EYA1: variants seen among roughly 807,000 people sequenced by gnomAD.
EYA1 encodes protein phosphatase EYA1.
In EYA1, 16 loss-of-function variants were observed where a neutral mutation model predicts 82.0. The observed-to-expected ratio is 0.20, with a 90% CI of 0.13 to 0.30. The LOEUF is 0.30. EYA1 is among the 10% of genes least tolerant of loss of function. The pLI is 1.00. For synonymous variants in EYA1, 261 were observed against 264.4 expected (o/e 0.99, Z 0.12); for missense variants, 633 against 730.7 (o/e 0.87, Z 1.54).
At chr8:71,483,867 G>A (rs1214186730) in intron 2 of EYA1, among the ~76,000 whole-genome samples, 3 of 152,162 alleles carry the variant, frequency 2.0e-5, no homozygotes, top group African/African-American at 4.8e-5. Flanking sequence ...AGTAAGGTAT[G>A]AAATTGGAGG....
chr8:71,443,770 C>A (rs933005941), intron 2 of EYA1, among the ~76,000 whole-genome samples: 1 of 152,186 alleles, frequency 6.6e-6, no homozygotes, highest in East Asian at 1.9e-4. Flanking sequence ...TTGGGTCCAC[C>A]CTTAAAGCCT....
intron 1 of EYA1, among the ~76,000 whole-genome samples, chr8:71,357,291 C>T (rs1826984991): frequency 1.3e-5 from 2 of 152,206 alleles, no homozygotes; most frequent in Admixed American, 6.5e-5. Flanking sequence ...AATCAATTCA[C>T]CATCCTAGTC....
intron 3 of EYA1, among the ~76,000 whole-genome samples, chr8:71,345,989 C>T (rs1825650135): frequency 6.6e-6 from 1 of 152,088 alleles, no homozygotes; most frequent in African/African-American, 2.4e-5. Flanking sequence ...CACATACACA[C>T]AAACACACAC....
chr8:71,380,702 G>A (rs1328795681), intron 2 of EYA1, among the ~76,000 whole-genome samples: 1 of 152,158 alleles, frequency 6.6e-6, no homozygotes, highest in East Asian at 1.9e-4. Context: ...TGTCCCATAG[G>A]CACTTCAAAT....
chr8:71,344,269 T>C (rs531465579), intron 3 of EYA1, among the ~76,000 whole-genome samples: 1 of 152,250 alleles, frequency 6.6e-6, no homozygotes, highest in Non-Finnish European at 1.5e-5. Flanking sequence ...AATGGAAGCA[T>C]GGCACAACAG....
intron 17 of EYA1, among the ~76,000 whole-genome samples, chr8:71,207,456 A>G (rs1008770431): frequency 1.3e-5 from 2 of 152,336 alleles, no homozygotes; most frequent in South Asian, 4.1e-4. Flanking sequence ...ATATTGTGAA[A>G]AATTTGTCCA....
At chr8:71,296,583 C>T (rs1293690926) in intron 9 of EYA1, among the ~76,000 whole-genome samples, 1 of 151,470 alleles carries the variant, frequency 6.6e-6, no homozygotes, top group African/African-American at 2.4e-5. Context: ...GTCTAACTCT[C>T]CAGTATTATA....
chr8:71,326,403 A>C (rs118043332), intron 4 of EYA1, among the ~76,000 whole-genome samples: 3,645 of 151,748 alleles, frequency 0.024, 72 homozygotes, highest in South Asian at 0.043. Flanking sequence ...CAAACCTTAC[A>C]ACTTCTCACT....
At chr8:71,500,267 G>C (rs1021217611) in intron 2 of EYA1, among the ~76,000 whole-genome samples, 6 of 152,162 alleles carry the variant, frequency 3.9e-5, no homozygotes, top group African/African-American at 9.7e-5. Flanking sequence ...GAACAAATAT[G>C]TATAATAGCA....
intron 2 of EYA1, among the ~76,000 whole-genome samples, chr8:71,405,529 T>A (rs1830172935): frequency 6.6e-6 from 1 of 152,218 alleles, no homozygotes; most frequent in Non-Finnish European, 1.5e-5. Flanking sequence ...TTGTTTATTA[T>A]CACTGTTATT....
intron 7 of EYA1, among the ~76,000 whole-genome samples, chr8:71,308,608 G>A (rs1820985917): frequency 6.6e-6 from 1 of 151,288 alleles, no homozygotes; most frequent in Non-Finnish European, 1.5e-5. Flanking sequence ...TAAGAACACA[G>A]CCTATGTCGA....
intron 6 of EYA1, among the ~76,000 whole-genome samples, chr8:71,321,328 T>A (rs1822517272): frequency 6.6e-6 from 1 of 152,198 alleles, no homozygotes; most frequent in South Asian, 2.1e-4. Context: ...TTTGTTGAAT[T>A]CTACTTGTAC....
intron 3 of EYA1, among the ~76,000 whole-genome samples, chr8:71,337,318 C>G (rs1394120410): frequency 2.0e-5 from 3 of 152,146 alleles, no homozygotes; most frequent in Non-Finnish European, 2.9e-5. Flanking sequence ...AACTTTTGTT[C>G]TCTTTTGCCC....
rs1418060801 is a variant in EYA1 at position 71,299,119 on chromosome 8, T to G, written c.754A>C (p.Thr252Pro). The change falls in exon 9 of 18, where the codon ACC becomes CCC. Residue 252 changes from threonine to proline, a missense_variant. Physicochemically the swap from Thr to Pro is conservative, Grantham distance 38. Coordinates refer to ENST00000340726, the MANE Select transcript of EYA1 (RefSeq NM_000503.6). Reference sequence around the variant, plus strand: ...TCTTGAAGCTGGTAAGTGGCATTGGTGGATGGTGTCGTTGGGCTGGTGTTG... The same window carrying G: ...TCTTGAAGCTGGTAAGTGGCATTGGGGGATGGTGTCGTTGGGCTGGTGTTG... ...SSNTSPTTPSTNATYQLQEPP... is the reference protein window; with the variant it reads ...SSNTSPTTPSPNATYQLQEPP... 6.2e-7 allele frequency: 1 copy of G among 1,614,124 alleles called. No individual in the cohort carries two copies. The highest frequency in any genetic ancestry group is 1.1e-5 in the South Asian group (1 of 91,080).
At chr8:71,240,356 A>T (rs115579569) in intron 12 of EYA1, among the ~76,000 whole-genome samples, 1,526 of 151,954 alleles carry the variant, frequency 0.01, 23 homozygotes, top group African/African-American at 0.035. Flanking sequence ...GAGTCTACAT[A>T]TTGAAGGCCC....
At chr8:71,486,556 G>A (rs1408567557) in intron 2 of EYA1, among the ~76,000 whole-genome samples, 1 of 152,178 alleles carries the variant, frequency 6.6e-6, no homozygotes, top group Non-Finnish European at 1.5e-5. Context: ...GGGAGAAGCT[G>A]GCTATGTGAG....
intron 2 of EYA1, among the ~76,000 whole-genome samples, chr8:71,386,120 T>C (rs935500025): frequency 1.3e-5 from 2 of 152,206 alleles, no homozygotes; most frequent in African/African-American, 4.8e-5. Context: ...TCTATTAGGT[T>C]AAATTATTCA....
intron 11 of EYA1, among the ~76,000 whole-genome samples, chr8:71,260,112 T>C (rs1409316753): frequency 6.6e-6 from 1 of 152,220 alleles, no homozygotes; most frequent in Non-Finnish European, 1.5e-5. Context: ...CTCTAGTTTT[T>C]ATTTATGCAC....
chr8:71,477,543 A>G (rs11997652), intron 2 of EYA1, among the ~76,000 whole-genome samples: 1 of 142,826 alleles, frequency 7.0e-6, no homozygotes, highest in Non-Finnish European at 1.5e-5. Flanking sequence ...AGGATGACTA[A>G]ATTTTTTTTT....
Sources: gnomAD v4.1 joint callset for allele counts (sites outside exome capture counted in the v4.1 genomes callset) on GRCh38, gnomAD v4.1.1 for gene constraint, MANE v1.5 for transcripts, NCBI Gene and HGNC (gene_info 2026-07-23, HGNC 2026-07-21) for gene names.